The following ENTPD1 variants were observed in gnomAD, a reference collection of about 807,000 sequenced individuals.
ENTPD1 encodes the protein ectonucleoside triphosphate diphosphohydrolase 1, also known as ATP diphosphohydrolase.
In ENTPD1, 33 loss-of-function variants were observed where a neutral mutation model predicts 57.0. The observed-to-expected ratio is 0.58, with a 90% CI of 0.44 to 0.77. ENTPD1 has a LOEUF of 0.77. Ranked by LOEUF, ENTPD1 falls within the 30% of genes least tolerant of loss-of-function variation. The pLI, the probability that ENTPD1 is intolerant of heterozygous loss-of-function variation, is 0.00. For synonymous variants in ENTPD1, 202 were observed against 218.8 expected, an observed-to-expected ratio of 0.92 and a Z score of 0.68; for missense variants, 501 against 603.4, an observed-to-expected ratio of 0.83 and a Z score of 1.78.
At chr10:95,845,916 T>C (rs568737789) in intron 6 of ENTPD1, 35 of 373,728 alleles carry the variant, frequency 9.4e-5, no homozygotes, top group African/African-American at 6.8e-4. Context: ...GGAATTGCAA[T>C]TTATAAGCTC....
At chr10:95,806,334 A>T (rs2098272392) in intron 1 of ENTPD1, among the ~76,000 whole-genome samples, 2 of 152,200 alleles carry the variant, frequency 1.3e-5, no homozygotes, top group South Asian at 4.1e-4. Context: ...CATGGTTTTC[A>T]GCTCCATCAG....
At chr10:95,822,353 G>A (rs1262281386) in intron 1 of ENTPD1, among the ~76,000 whole-genome samples, 1 of 151,718 alleles carries the variant, frequency 6.6e-6, no homozygotes, top group African/African-American at 2.4e-5. Flanking sequence ...CTGGAGTGCA[G>A]TGGTGCGATC....
chr10:95,866,120 AG>A, intron 9 of ENTPD1, 56 bp from the exon 10 acceptor site: 1 of 1,564,618 alleles, frequency 6.4e-7, no homozygotes, highest in Non-Finnish European at 8.7e-7. Context: ...TCTAAGCCCT[AG>A]GTGATAACTC....
At chr10:95,813,152 G>A (rs2098314922) in intron 1 of ENTPD1, among the ~76,000 whole-genome samples, 1 of 152,174 alleles carries the variant, frequency 6.6e-6, no homozygotes, top group South Asian at 2.1e-4. Flanking sequence ...CCTGCAGGAT[G>A]GCCATTTTGA....
Position 95,872,109 on chromosome 10 carries a change from A to G in ENTPD1, c.*5726A>G, listed in dbSNP as rs367709683. 2.7e-5 allele frequency: 27 copies of G among 985,368 alleles called. No homozygotes were observed. The East Asian group carries it at 5.7e-4, about 21-fold the overall frequency. 61.0% of individuals were successfully genotyped at this position (985,368 alleles called of 1,614,324 possible). On this transcript the variant is annotated 3_prime_UTR_variant, in exon 10 of 10. Coordinates refer to ENST00000371205, the MANE Select transcript of ENTPD1 (RefSeq NM_001776.6). The stretch of plus-strand genomic sequence containing the variant: ...CTTTTTTATTTCTCCTTCTAATATT[A>G]CTGTTATTGCTCCAGTAAAGAGCTG...
At chr10:95,769,006 T>A (rs1589744658) in intron 1 of ENTPD1, among the ~76,000 whole-genome samples, 5 of 152,178 alleles carry the variant, frequency 3.3e-5, no homozygotes, top group Admixed American at 3.3e-4. Flanking sequence ...TCTGTTCAGG[T>A]CTTGGAAAAA....
At chr10:95,724,529 G>T (rs368920610) in intron 1 of ENTPD1, among the ~76,000 whole-genome samples, 1 of 152,170 alleles carries the variant, frequency 6.6e-6, no homozygotes, top group Admixed American at 6.5e-5. Flanking sequence ...ATTAGAAGCC[G>T]TGGGTCATGG....
rs1007994079 is a variant in ENTPD1 at position 95,785,690 on chromosome 10, A to G, written c.16+29435A>G. ...AAAGAGAAGAGTTAAATGAGTGTCA[A>G]TGTCTCCTAATAATTAAGAGCTTAG... On this transcript the variant is annotated intron_variant, in intron 1 of 9. Coordinates refer to ENST00000371205, the MANE Select transcript of ENTPD1 (RefSeq NM_001776.6). Among the ~76,000 whole-genome samples, 5 of 152,202 alleles carry G rather than the reference A, an allele frequency of 3.3e-5. No homozygotes were observed. In the East Asian group the frequency reaches 9.6e-4, roughly 29 times the overall value.
rs1354976543 is a variant in ENTPD1, at chr10:95,793,924, G to A, written c.17-29313G>A. Reference sequence around the variant, plus strand: ...AGAATTGTGAAATCAAATAGGATCAGAATGATGTCACAGTGGTCAATCCAA... The same window carrying A: ...AGAATTGTGAAATCAAATAGGATCAAAATGATGTCACAGTGGTCAATCCAA... On this transcript the variant is annotated intron_variant, in intron 1 of 9. Transcript: ENST00000371205. 5.9e-5 allele frequency among the ~76,000 whole-genome samples: 9 copies of A among 152,134 alleles called. No individual in the cohort carries two copies. In the East Asian group the frequency reaches 1.7e-3, roughly 29 times the overall value.
intron 1 of ENTPD1, among the ~76,000 whole-genome samples, chr10:95,743,633 G>T (rs564227247): frequency 6.6e-6 from 1 of 152,030 alleles, no homozygotes; most frequent in Admixed American, 6.5e-5. Context: ...GTATAGACTC[G>T]TGGATATTTA....
chr10:95,811,341 A>G (rs570510811), intron 1 of ENTPD1, among the ~76,000 whole-genome samples: 4 of 152,220 alleles, frequency 2.6e-5, no homozygotes, highest in African/African-American at 7.2e-5. Context: ...GGGCAAAGTC[A>G]ACATTAAACC....
At chr10:95,796,454 A>G (rs944435574) in intron 1 of ENTPD1, among the ~76,000 whole-genome samples, 1 of 152,188 alleles carries the variant, frequency 6.6e-6, no homozygotes, top group African/African-American at 2.4e-5. Flanking sequence ...AGAGGAAAGA[A>G]TACTGTTTCA....
In ENTPD1 at chr10:95,791,259, G is replaced by C. The variant is rs919923695; in HGVS notation, c.17-31978G>C. On this transcript the variant is annotated intron_variant, in intron 1 of 9. Transcript: ENST00000371205. The surrounding 1 kb of genome is among the most constrained non-coding windows in gnomAD (Gnocchi z 4.1). The stretch of plus-strand genomic sequence containing the variant: ...CTGTATCTGCTATATTCAGTTCAGA[G>C]CAATGTATTTTGAGAAGGACATTAC... Among the ~76,000 whole-genome samples the C allele has an allele frequency of 2.6e-5, 4 of 152,134 alleles. No individual in the cohort carries two copies. The highest frequency in any genetic ancestry group is 5.9e-5 in the Non-Finnish European group (4 of 68,026).
intron 1 of ENTPD1, among the ~76,000 whole-genome samples, chr10:95,762,882 A>G (rs1475218636): frequency 6.6e-6 from 1 of 152,034 alleles, no homozygotes; most frequent in Non-Finnish European, 1.5e-5. Flanking sequence ...ATCAATTTTT[A>G]GATTGTTTTA....
At chr10:95,827,289 TA>T (rs1242276049) in intron 2 of ENTPD1, among the ~76,000 whole-genome samples, 1 of 151,756 alleles carries the variant, frequency 6.6e-6, no homozygotes, top group Non-Finnish European at 1.5e-5. Context: ...CCGTCTCTAC[TA>T]AAAATACAAA....
chr10:95,776,227 C>T (rs1428547701), intron 1 of ENTPD1, among the ~76,000 whole-genome samples: 1 of 152,164 alleles, frequency 6.6e-6, no homozygotes, highest in African/African-American at 2.4e-5. Flanking sequence ...CAGTTTCTTC[C>T]TAGCATCGAC....
intron 1 of ENTPD1, among the ~76,000 whole-genome samples, chr10:95,756,897 A>C (rs906450974): frequency 2.0e-5 from 3 of 152,218 alleles, no homozygotes; most frequent in Non-Finnish European, 4.4e-5. Context: ...TTAAAAGGGC[A>C]GGTCACATCT....
chr10:95,815,794 C>T (rs2098328003), intron 1 of ENTPD1, among the ~76,000 whole-genome samples: 1 of 152,132 alleles, frequency 6.6e-6, no homozygotes, highest in South Asian at 2.1e-4. Context: ...CAGAGCAGGA[C>T]TGGAAGTTTA....
At chr10:95,773,119 T>A (rs954789336) in intron 1 of ENTPD1, among the ~76,000 whole-genome samples, 2 of 151,752 alleles carry the variant, frequency 1.3e-5, no homozygotes, top group Non-Finnish European at 2.9e-5. Flanking sequence ...ACCGCTCTCA[T>A]GGGAACGAAT....
Sources: allele counts gnomAD v4.1 joint callset (sites outside exome capture counted in the v4.1 genomes callset), GRCh38; gene constraint gnomAD v4.1.1; non-coding constraint Gnocchi (gnomAD v3.1); transcripts MANE v1.5; gene names NCBI Gene and HGNC (gene_info 2026-07-23, HGNC 2026-07-21).